LRRC72: variants seen among roughly 807,000 people sequenced by gnomAD.
The protein encoded by LRRC72 is leucine rich repeat containing 72.
Under a neutral mutation model 35.8 loss-of-function variants are expected in LRRC72, and 41 were observed. The ratio of observed to expected loss-of-function variants is 1.15; its 90% CI spans 0.89 to 1.49. The LOEUF (loss-of-function observed/expected upper bound fraction) is 1.49. Ranked by LOEUF, LRRC72 falls within the 40% of genes most tolerant of loss-of-function variation. The pLI is 0.00. For missense variants in LRRC72, 389 were observed against 330.7 expected, an observed-to-expected ratio of 1.18 and a Z score of -1.37; for synonymous variants, 118 against 119.2, an observed-to-expected ratio of 0.99 and a Z score of 0.07.
intron 7 of LRRC72, among the ~76,000 whole-genome samples, chr7:16,569,923 A>T (rs2528479): frequency 6.6e-6 from 1 of 151,768 alleles, no homozygotes; most frequent in Non-Finnish European, 1.5e-5. Context: ...CCAGCTACTT[A>T]GGAGGCTGAG....
chr7:16,546,428 C>T (rs10262588), intron 3 of LRRC72, among the ~76,000 whole-genome samples: 14 of 151,856 alleles, frequency 9.2e-5, no homozygotes, highest in African/African-American at 3.4e-4. Flanking sequence ...CCAGGAGATG[C>T]CCCCCAGGAG....
chr7:16,535,391 G>A (rs923775861), intron 2 of LRRC72, among the ~76,000 whole-genome samples: 13 of 152,120 alleles, frequency 8.5e-5, no homozygotes, highest in Non-Finnish European at 1.3e-4. Flanking sequence ...GGAGGAGAAT[G>A]AATGAGATAG....
intron 2 of LRRC72, among the ~76,000 whole-genome samples, chr7:16,535,717 C>A (rs769616397): frequency 6.6e-6 from 1 of 152,158 alleles, no homozygotes; most frequent in Non-Finnish European, 1.5e-5. Flanking sequence ...TCATTTGGAT[C>A]CTTATGTGAT....
Position 16,571,236 on chromosome 7 carries a change from A to C in LRRC72, c.670+3693A>C, listed in dbSNP as rs536437644. ...TCTGAATGACCCTTCCTCTTGGCCA[A>C]GAGCATTCCAAGTTAACCTGAAAAA... On this transcript the variant is annotated intron_variant, in intron 7 of 8. Transcript: ENST00000401542. Among the ~76,000 whole-genome samples the C allele has an allele frequency of 1.2e-4, 18 of 152,280 alleles. No homozygotes were observed. The East Asian group carries it at 3.5e-3, about 29-fold the overall frequency.
chr7:16,549,739 C>G (rs978767357), intron 3 of LRRC72, among the ~76,000 whole-genome samples: 4 of 152,084 alleles, frequency 2.6e-5, no homozygotes, highest in African/African-American at 9.7e-5. Context: ...GGTGTAGTTT[C>G]TGATTGCCAC....
intron 7 of LRRC72, among the ~76,000 whole-genome samples, chr7:16,569,350 T>C (rs1054981664): frequency 4.6e-5 from 7 of 151,752 alleles, no homozygotes; most frequent in Non-Finnish European, 8.8e-5. Context: ...CACTTGAACC[T>C]GGGAGGCGGA....
intron 1 of LRRC72, 50 bp downstream of exon 1, chr7:16,527,092 C>A: frequency 6.9e-7 from 1 of 1,446,312 alleles, no homozygotes; most frequent in Non-Finnish European, 9.4e-7. Context: ...GCCCCCTGCC[C>A]CAGGGCCCCA....
At position 16,549,128 on chromosome 7, in the gene LRRC72, T is replaced by C. The variant is rs191504143; in HGVS notation, c.235-8232T>C. Among the ~76,000 whole-genome samples the C allele has an allele frequency of 8.1e-4, 124 of 152,314 alleles. 1 individual carries two copies. Among genetic ancestry groups the C allele is most frequent in the Non-Finnish European group, 2.6e-4 (18 of 68,020 alleles). On this transcript the variant is annotated intron_variant, in intron 3 of 8. Transcript: ENST00000401542. ...ATTTTGTCAGTGAATCCAAATGGCA[T>C]GTAATTGGTCACCAGTTATAAATTT...
chr7:16,579,198 C>A (rs1304243292), intron 7 of LRRC72, among the ~76,000 whole-genome samples: 2 of 152,034 alleles, frequency 1.3e-5, no homozygotes, highest in Admixed American at 1.3e-4. Context: ...ACAATGAATA[C>A]GTATATTAAA....
intron 5 of LRRC72, among the ~76,000 whole-genome samples, chr7:16,562,611 A>G (rs1782762351): frequency 6.6e-6 from 1 of 152,144 alleles, no homozygotes; most frequent in Admixed American, 6.5e-5. Flanking sequence ...TATTGCCTTT[A>G]AACACTTCCT....
chr7:16,537,009 T>C (rs1012041626), intron 2 of LRRC72: 11 of 152,254 alleles, frequency 7.2e-5, no homozygotes, highest in African/African-American at 2.2e-4. Flanking sequence ...AACCCACATC[T>C]GCCCCTTTGA....
rs1177980725 is a variant in LRRC72 at position 16,581,538 on chromosome 7, T to C, written c.*49T>C. 49 of 1,377,890 alleles carry C rather than the reference T, an allele frequency of 3.6e-5. No homozygotes were observed. The highest frequency in any genetic ancestry group is 4.4e-5 in the Non-Finnish European group (46 of 1,047,444). 85.4% of individuals were successfully genotyped at this position (1,377,890 alleles called of 1,614,324 possible). On this transcript the variant is annotated 3_prime_UTR_variant, in exon 9 of 9. Coordinates refer to ENST00000401542, the MANE Select transcript of LRRC72 (RefSeq NM_001195280.2). ...AGTGGTTTTCAGTTGTATATTAAAC[T>C]TCCCTGTGACTTAGCATATTACATA...
At chr7:16,552,493 G>A (rs554896424) in intron 3 of LRRC72, among the ~76,000 whole-genome samples, 1 of 152,314 alleles carries the variant, frequency 6.6e-6, no homozygotes, top group South Asian at 2.1e-4. Context: ...AAGAGTGGAA[G>A]AAGTCAAGAA....
intron 5 of LRRC72, among the ~76,000 whole-genome samples, chr7:16,561,946 A>G (rs1782750677): frequency 6.6e-6 from 1 of 152,224 alleles, no homozygotes; most frequent in Non-Finnish European, 1.5e-5. Flanking sequence ...AAATCCATAT[A>G]AAATTATAAA....
At chr7:16,536,297 A>T (rs910038375) in intron 2 of LRRC72, among the ~76,000 whole-genome samples, 2 of 152,140 alleles carry the variant, frequency 1.3e-5, no homozygotes, top group Non-Finnish European at 2.9e-5. Flanking sequence ...AAACAAACCA[A>T]AAAAAATGTA....
intron 2 of LRRC72, among the ~76,000 whole-genome samples, chr7:16,534,186 C>A (rs73076795): frequency 5.9e-5 from 9 of 151,994 alleles, no homozygotes; most frequent in Non-Finnish European, 1.0e-4. Flanking sequence ...AGCATCTTAT[C>A]GATGTGTTCT....
intron 7 of LRRC72, among the ~76,000 whole-genome samples, chr7:16,568,946 TAAAGGA>T (rs984674170): frequency 2.0e-5 from 3 of 151,976 alleles, no homozygotes; most frequent in African/African-American, 7.3e-5. Flanking sequence ...GAGCGAAAGG[TAAAGGA>T]AAAGAAAAAG....
In LRRC72 at chr7:16,559,008, T is replaced by C; in HGVS notation, c.427+9T>C. 6.7e-7 allele frequency: 1 copy of C among 1,491,606 alleles called. No individual in the cohort carries two copies. Among genetic ancestry groups the C allele is most frequent in the Non-Finnish European group, 9.1e-7 (1 of 1,103,444 alleles). The allele number at this position is 1,491,606 out of a possible 1,614,324, so 92.4% of individuals were successfully genotyped here. ...AAATCTGAAGATCCTAAGTAACAAT[T>C]TGCAATTTTATATGGCCATAAGTTA... On this transcript the variant is annotated intron_variant, in intron 5 of 8. Coordinates refer to ENST00000401542, the MANE Select transcript of LRRC72 (RefSeq NM_001195280.2).
At chr7:16,544,006 C>T (rs981067212) in intron 3 of LRRC72, among the ~76,000 whole-genome samples, 5 of 152,246 alleles carry the variant, frequency 3.3e-5, no homozygotes, top group African/African-American at 1.2e-4. Context: ...ATAGCTTATC[C>T]TGTACTTGCA....
Sources: allele counts gnomAD v4.1 joint callset (sites outside exome capture counted in the v4.1 genomes callset), GRCh38; gene constraint gnomAD v4.1.1; transcripts MANE v1.5; gene names NCBI Gene and HGNC (gene_info 2026-07-23, HGNC 2026-07-21).